Variants in COL5A1 observed in about 807,000 individuals in gnomAD.
COL5A1 encodes the protein collagen type V alpha 1 chain.
In COL5A1, 16 loss-of-function variants were observed where a neutral mutation model predicts 263.7. The observed-to-expected ratio is 0.06, with a 90% CI of 0.04 to 0.09. The LOEUF (loss-of-function observed/expected upper bound fraction) is 0.09. Ranked by LOEUF, COL5A1 falls within the 10% of genes least tolerant of loss-of-function variation. The pLI is 1.00. For missense variants in COL5A1, 2,036 were observed against 2,540.5 expected (o/e 0.80, Z 4.27); for synonymous variants, 1,012 against 1,004.5 (o/e 1.01, Z -0.14).
chr9:134,797,593 C>T (rs998023821), intron 36 of COL5A1, among the ~76,000 whole-genome samples: 1 of 152,234 alleles, frequency 6.6e-6, no homozygotes, highest in African/African-American at 2.4e-5. Flanking sequence ...AGCCATTCTC[C>T]TGCCTCAGCC....
intron 46 of COL5A1, 104 bp downstream of exon 46, chr9:134,811,703 C>A: frequency 9.3e-7 from 1 of 1,071,308 alleles, no homozygotes; most frequent in Non-Finnish European, 1.4e-6. Context: ...AAAACTAAAG[C>A]CAGGCTGCAG....
At position 134,680,672 on chromosome 9, in the gene COL5A1, C is replaced by T. The variant is rs1242394847; in HGVS notation, c.110-10240C>T. Among the ~76,000 whole-genome samples the T allele has an allele frequency of 3.3e-5, 5 of 152,318 alleles. No homozygotes were observed. The highest frequency in any genetic ancestry group is 6.5e-5 in the Admixed American group (1 of 15,306). ...CTGTGCACTGCACAACCCCAGGGAG[C>T]GCTGTTCTAATGCACCATGATGGGG... On this transcript the variant is annotated intron_variant, in intron 1 of 65. Coordinates refer to ENST00000371817, the MANE Select transcript of COL5A1 (RefSeq NM_000093.5). The surrounding 1 kb of genome is among the most constrained non-coding windows in gnomAD (Gnocchi z 5.9).
intron 33 of COL5A1, 63 bp downstream of exon 33, chr9:134,795,189 G>C: frequency 6.2e-7 from 1 of 1,613,226 alleles, no homozygotes; most frequent in African/African-American, 1.3e-5. Context: ...GGGAGCACGT[G>C]CCAGGGGCTG....
chr9:134,740,555 T>C (rs983774815), intron 11 of COL5A1, among the ~76,000 whole-genome samples: 4 of 152,242 alleles, frequency 2.6e-5, no homozygotes, highest in Admixed American at 1.3e-4. Context: ...AGATGCTGAC[T>C]GACACTGCCT....
At chr9:134,806,136 G>A (rs538021353) in intron 41 of COL5A1, 53 bp from the exon 42 acceptor site, 11 of 1,346,078 alleles carry the variant, frequency 8.2e-6, no homozygotes, top group Non-Finnish European at 1.0e-5. Flanking sequence ...ACAAAGTCAC[G>A]ACCACGCAGT....
At chr9:134,763,107 T>C (rs1335687206) in intron 19 of COL5A1, among the ~76,000 whole-genome samples, 1 of 152,100 alleles carries the variant, frequency 6.6e-6, no homozygotes, top group Non-Finnish European at 1.5e-5. Flanking sequence ...CATGTGTGTG[T>C]AGGCATGTGT....
chr9:134,752,283 G>T lies in COL5A1; in HGVS notation c.1663-306G>T, dbSNP rs576202409. On this transcript the variant is annotated intron_variant, in intron 13 of 65. Coordinates refer to ENST00000371817, the MANE Select transcript of COL5A1 (RefSeq NM_000093.5). ...AGCCAAGGGTGATGGGCTGGGAGCA[G>T]GCCCTCTCTGTGTGGGCTAGAGAGA... 1.1e-4 allele frequency among the ~76,000 whole-genome samples: 16 copies of T among 150,542 alleles called. No individual in the cohort carries two copies. In the South Asian group the frequency reaches 3.3e-3, roughly 31 times the overall value.
In COL5A1 at chr9:134,728,758, C is replaced by A. The variant is rs1834751606; in HGVS notation, c.875C>A (p.Pro292His). 6.2e-7 allele frequency: 1 copy of A among 1,614,078 alleles called. No homozygotes were observed. The highest frequency in any genetic ancestry group is 1.7e-5 in the Admixed American group (1 of 60,014). ...GAAGACCTAGGGAAGGAGCCCACCC[C>A]CAGCAAGAAGCCCGTGGAAGCTGCC... is the stretch of plus-strand genomic sequence containing the variant. Reference protein sequence around the residue: ...DPEDLGKEPTPSKKPVEAAKE... With the variant: ...DPEDLGKEPTHSKKPVEAAKE... Residue 292 changes from proline to histidine, a missense_variant, in exon 6 of 66, where the codon CCC becomes CAC. Pro to His is a moderately conservative substitution (Grantham distance 77, BLOSUM62 -2). Transcript: ENST00000371817.
intron 63 of COL5A1, among the ~76,000 whole-genome samples, chr9:134,829,003 C>T (rs1303928107): frequency 4.0e-5 from 6 of 151,628 alleles, no homozygotes; most frequent in Admixed American, 3.9e-4. Context: ...CACGCGCACA[C>T]ACACACGCAC....
chr9:134,764,033 T>G, intron 20 of COL5A1, among the ~76,000 whole-genome samples: 4 of 76,038 alleles, frequency 5.3e-5, no homozygotes, highest in Admixed American at 1.6e-4. Flanking sequence ...TTGTGGGGAG[T>G]CGGGGGCAGT....
At chr9:134,772,960 C>A in intron 26 of COL5A1, 126 bp downstream of exon 26, 1 of 1,001,664 alleles carries the variant, frequency 1.0e-6, no homozygotes, top group Non-Finnish European at 1.6e-6. Flanking sequence ...CTCAGCCCTT[C>A]CTCAGGTGTC....
chr9:134,701,381 CT>C, intron 4 of COL5A1, 48 bp downstream of exon 4: 1 of 1,583,288 alleles, frequency 6.3e-7, no homozygotes, highest in Non-Finnish European at 8.6e-7. Flanking sequence ...GGCACTCCTC[CT>C]GTGGAGCCAC....
Position 134,679,246 on chromosome 9 carries a change from G to C in COL5A1, c.110-11666G>C, listed in dbSNP as rs149495180. On this transcript the variant is annotated intron_variant, in intron 1 of 65. Coordinates refer to ENST00000371817, the MANE Select transcript of COL5A1 (RefSeq NM_000093.5). ...CCCGATCTGTCCCCTGCACTGTGGG[G>C]CTGGCTAGGGGGCACTGCCGGGCTG... Among the ~76,000 whole-genome samples the C allele has an allele frequency of 3.4e-3, 510 of 152,082 alleles. 6 individuals carry two copies. The highest frequency in any genetic ancestry group is 0.012 in the African/African-American group (479 of 41,492).
At chr9:134,752,671 T>C (rs1835826884) in intron 14 of COL5A1, 26 bp downstream of exon 14, 1 of 1,591,076 alleles carries the variant, frequency 6.3e-7, no homozygotes, top group East Asian at 2.2e-5. Context: ...ATCTGAGAGC[T>C]GGGCGTGGTG....
At chr9:134,654,468 A>T (rs1171294757) in intron 1 of COL5A1, among the ~76,000 whole-genome samples, 7 of 40,016 alleles carry the variant, frequency 1.7e-4, no homozygotes, top group South Asian at 1.0e-3. Flanking sequence ...GTAGGGCTGG[A>T]GGTGTGTAGG....
intron 18 of COL5A1, among the ~76,000 whole-genome samples, chr9:134,760,623 CCA>C (rs1406367039): frequency 1.7e-5 from 2 of 115,298 alleles, no homozygotes; most frequent in Admixed American, 1.8e-4. Context: ...ACACACACAC[CCA>C]CACACCCCCA....
chr9:134,820,585 GC>G (rs912614571), intron 58 of COL5A1, among the ~76,000 whole-genome samples: 28 of 152,336 alleles, frequency 1.8e-4, no homozygotes, highest in African/African-American at 5.0e-4. Context: ...GTGACAACCA[GC>G]CGTGTTTGCC....
Position 134,721,379 on chromosome 9 carries a change from G to A in COL5A1, c.655-5887G>A, listed in dbSNP as rs143673441. On this transcript the variant is annotated intron_variant, in intron 4 of 65. Transcript: ENST00000371817. ...GCTGCCCAGGACCCCCCATGACCCC[G>A]TTAGGGCTGTTCTGTGCCTCTCGTC... Among the ~76,000 whole-genome samples the A allele has an allele frequency of 4.1e-3, 618 of 151,878 alleles. 6 individuals are homozygous for A. The highest frequency in any genetic ancestry group is 0.011 in the East Asian group (58 of 5,158).
intron 1 of COL5A1, among the ~76,000 whole-genome samples, chr9:134,645,182 G>A (rs544841605): frequency 1.4e-4 from 21 of 152,328 alleles, no homozygotes; most frequent in African/African-American, 4.8e-4. Flanking sequence ...CTCCAGTGAT[G>A]TTACTCCTGG....
Sources: allele counts gnomAD v4.1 joint callset (sites outside exome capture counted in the v4.1 genomes callset), GRCh38; gene constraint gnomAD v4.1.1; non-coding constraint Gnocchi (gnomAD v3.1); transcripts MANE v1.5; gene names NCBI Gene and HGNC (gene_info 2026-07-23, HGNC 2026-07-21).